Variants in TPD52L3 observed in about 807,000 individuals in gnomAD.
The protein encoded by TPD52L3 is TPD52 like 3, also known as tumor protein D55.
A neutral mutation model predicts 8.7 loss-of-function variants in TPD52L3; 12 were observed. The ratio of observed to expected loss-of-function variants is 1.38; its 90% CI spans 0.89 to 2.24. TPD52L3 has a LOEUF of 2.24. TPD52L3 is among the 30% of genes most tolerant of loss of function. The probability of loss-of-function intolerance (pLI) is 0.00; values close to 1 mark genes in which losing one functional copy is unlikely to be tolerated. For missense variants in TPD52L3, 207 were observed against 158.7 expected (o/e 1.30, Z -1.64); for synonymous variants, 79 against 66.8 (o/e 1.18, Z -0.89).
At chr9:6,330,199 G>T in intron 1 of TPD52L3, 1 of 1,614,080 alleles carries the variant, frequency 6.2e-7, no homozygotes, top group Non-Finnish European at 8.5e-7. Flanking sequence ...TAAAGGAGAA[G>T]GAAGCAGAAT....
Position 6,328,870 on chromosome 9 carries a change from A to G in TPD52L3, c.275A>G (p.Gln92Arg). 1 of 1,614,214 alleles carries G rather than the reference A, an allele frequency of 6.2e-7. No homozygotes were observed. The highest frequency in any genetic ancestry group is 8.5e-7 in the Non-Finnish European group (1 of 1,180,030). ...CAGGTCTCCAACACCTATGTGAAACAGAAGACATCAGCTGCTCTGTCCACC... is the reference window on the plus strand; with the variant it reads ...CAGGTCTCCAACACCTATGTGAAACGGAAGACATCAGCTGCTCTGTCCACC... ...DVQVSNTYVK[Q>R]KTSAALSTMG... The change falls in exon 1 of 2, where the codon CAG (glutamine) becomes CGG (arginine). Residue 92 changes from glutamine to arginine, a missense_variant. By Grantham distance (43) the Gln-to-Arg change is conservative. Coordinates refer to ENST00000314556, the MANE Select transcript of TPD52L3 (RefSeq NM_001001874.3).
At chr9:6,329,732 A>G in intron 1 of TPD52L3, 1 of 1,004,660 alleles carries the variant, frequency 1.0e-6, no homozygotes. Flanking sequence ...GTGGTAGTGC[A>G]CTAATTGTTA....
chr9:6,331,120 A>C lies in TPD52L3; in HGVS notation c.*101A>C. On this transcript the variant is annotated 3_prime_UTR_variant, in exon 2 of 2. Coordinates refer to ENST00000314556, the MANE Select transcript of TPD52L3 (RefSeq NM_001001874.3). ...GCTTTTAAACAAAAATATCGTGTTT[A>C]TTCAAAGCCAATCTGAGACCCTACT... The C allele has an allele frequency of 7.7e-7, 1 of 1,304,432 alleles. No individual in the cohort carries two copies. The highest frequency in any genetic ancestry group is 1.1e-6 in the Non-Finnish European group (1 of 921,790). The allele number at this position is 1,304,432 out of a possible 1,614,324, so 80.8% of individuals were successfully genotyped here.
rs1382437183 is a variant in TPD52L3 at position 6,331,843 on chromosome 9, G to A, written c.*824G>A. 6.6e-6 allele frequency: 1 copy of A among 152,116 alleles called. No homozygotes were observed. The highest frequency in any genetic ancestry group is 1.5e-5 in the Non-Finnish European group (1 of 68,014). The allele number at this position is 152,116 out of a possible 1,614,324, so 9.4% of individuals were successfully genotyped here. A position where few individuals can be genotyped will look rare whatever the true frequency, so the allele number is the denominator to read the frequency against. The stretch of plus-strand genomic sequence containing the variant: ...ACATTCATTTTGCTTTGGCTTTTTT[G>A]TATCAGTGGTCATGGGCACCAAATA... On this transcript the variant is annotated 3_prime_UTR_variant, in exon 2 of 2. Transcript: ENST00000314556.
At chr9:6,329,241 C>A in intron 1 of TPD52L3, 1 of 1,351,242 alleles carries the variant, frequency 7.4e-7, no homozygotes, top group Non-Finnish European at 9.6e-7. Flanking sequence ...CAACTCTGCC[C>A]AACAAAAACA....
intron 1 of TPD52L3, chr9:6,329,516 A>C (rs1382860522): frequency 9.9e-7 from 1 of 1,010,824 alleles, no homozygotes; most frequent in Non-Finnish European, 1.2e-6. Context: ...AGAAAGCCAA[A>C]GTAGAGTTCT....
rs552989612 is a variant in TPD52L3 at position 6,329,192 on chromosome 9, C to T, written c.367+230C>T. The T allele has an allele frequency of 3.1e-5, 45 of 1,442,690 alleles. No homozygotes were observed. In the African/African-American group the frequency reaches 5.3e-4, roughly 17 times the overall value. The allele number at this position is 1,442,690 out of a possible 1,614,324, so 89.4% of individuals were successfully genotyped here. Reference sequence around the variant, plus strand: ...GCCCCCTTGGTAACCTTGCCTGGTACTAAACCAGTGCAAGGACCCCCTTCC... The same window carrying T: ...GCCCCCTTGGTAACCTTGCCTGGTATTAAACCAGTGCAAGGACCCCCTTCC... On this transcript the variant is annotated intron_variant, in intron 1 of 1. Transcript: ENST00000314556.
At chr9:6,329,757 C>T (rs183444195) in intron 1 of TPD52L3, 918 of 1,010,794 alleles carry the variant, frequency 9.1e-4, no homozygotes, top group South Asian at 4.4e-3. Flanking sequence ...ACTAATATAG[C>T]TTTTGTAAAA....
chr9:6,329,078 A>ACCC, intron 1 of TPD52L3, 116 bp downstream of exon 1: 1 of 1,564,774 alleles, frequency 6.4e-7, no homozygotes, highest in Non-Finnish European at 8.6e-7. Context: ...TGTGGGGAAG[A>ACCC]CCCACTCCAG....
At chr9:6,330,846 G>A (rs1818138004) in intron 1 of TPD52L3, 130 bp from the exon 2 acceptor site, 3 of 1,461,320 alleles carry the variant, frequency 2.1e-6, no homozygotes, top group South Asian at 1.5e-5. Flanking sequence ...GGCCAAACCT[G>A]AGAGATGTTA....
chr9:6,329,017 G>C (rs751767981), intron 1 of TPD52L3, 55 bp downstream of exon 1: 1 of 1,613,320 alleles, frequency 6.2e-7, no homozygotes, highest in Non-Finnish European at 8.5e-7. Context: ...GCTTGGCCCT[G>C]ACTGTCTTTC....
Position 6,330,215 on chromosome 9 carries a change from C to T in TPD52L3, c.368-761C>T, listed in dbSNP as rs775461191. 5.0e-6 allele frequency: 8 copies of T among 1,613,882 alleles called. No individual in the cohort carries two copies. In the Admixed American group the frequency reaches 1.3e-4, roughly 27 times the overall value. On this transcript the variant is annotated intron_variant, in intron 1 of 1. Coordinates refer to ENST00000314556, the MANE Select transcript of TPD52L3 (RefSeq NM_001001874.3). ...AAAGGAGAAGGAAGCAGAATATAACCCTCTGGAGAGCTCAAGACAGTAGGA... is the reference window on the plus strand; with the variant it reads ...AAAGGAGAAGGAAGCAGAATATAACTCTCTGGAGAGCTCAAGACAGTAGGA...
At chr9:6,329,571 GGTTT>G (rs997817061) in intron 1 of TPD52L3, 16 of 1,001,724 alleles carry the variant, frequency 1.6e-5, no homozygotes, top group East Asian at 2.3e-4. Flanking sequence ...GTGTTTTTTT[GGTTT>G]GTTTGTTTGT....
Position 6,331,890 on chromosome 9 carries a change from G to C in TPD52L3, c.*871G>C, listed in dbSNP as rs978755985. 6.6e-6 allele frequency: 1 copy of C among 152,136 alleles called. No homozygotes were observed. Among genetic ancestry groups the C allele is most frequent in the African/African-American group, 2.4e-5 (1 of 41,412 alleles). 9.4% of individuals were successfully genotyped at this position (152,136 alleles called of 1,614,324 possible). On this transcript the variant is annotated 3_prime_UTR_variant, in exon 2 of 2. Transcript: ENST00000314556. ...AATAAAATGCTTCCATGAACATTTG[G>C]ATTCTGGCTCTAAAGTTTCCTCGAG...
At chr9:6,330,859 T>C in intron 1 of TPD52L3, 117 bp from the exon 2 acceptor site, 1 of 1,491,258 alleles carries the variant, frequency 6.7e-7, no homozygotes. Context: ...AGATGTTATA[T>C]TTTATTTAAT....
In TPD52L3 at chr9:6,331,495, T is replaced by A. The variant is rs1014985627; in HGVS notation, c.*476T>A. On this transcript the variant is annotated 3_prime_UTR_variant, in exon 2 of 2. Coordinates refer to ENST00000314556, the MANE Select transcript of TPD52L3 (RefSeq NM_001001874.3). ...GAGAGGAAGGGGAAATGGTGTTACATGAGTGAGGGAGGGGAAATGGTGTTA... is the reference window on the plus strand; with the variant it reads ...GAGAGGAAGGGGAAATGGTGTTACAAGAGTGAGGGAGGGGAAATGGTGTTA... 1 of 152,566 alleles carries A rather than the reference T, an allele frequency of 6.6e-6. No individual in the cohort carries two copies. Among genetic ancestry groups the A allele is most frequent in the African/African-American group, 2.4e-5 (1 of 41,386 alleles). 9.5% of individuals were successfully genotyped at this position (152,566 alleles called of 1,614,324 possible).
chr9:6,331,186 A>C lies in TPD52L3; in HGVS notation c.*167A>C. 1.6e-6 allele frequency: 1 copy of C among 641,968 alleles called. No individual in the cohort carries two copies. Among genetic ancestry groups the C allele is most frequent in the East Asian group, 2.8e-5 (1 of 35,172 alleles). 39.8% of individuals were successfully genotyped at this position (641,968 alleles called of 1,614,324 possible). ...TCCCAGGTTCTGAAAGCATAGAATT[A>C]GACATCGTATGTGCCCTCTAGAAAC... On this transcript the variant is annotated 3_prime_UTR_variant, in exon 2 of 2. Coordinates refer to ENST00000314556, the MANE Select transcript of TPD52L3 (RefSeq NM_001001874.3).
chr9:6,328,428 A>C lies in TPD52L3; in HGVS notation c.-168A>C. ...AGGTGTCCATTGTACCAGCTGGGCC[A>C]TGGATCCCTCCCGCCTGAAATCTGA... On this transcript the variant is annotated 5_prime_UTR_variant, in exon 1 of 2. The change abolishes an upstream ATG in the 5' untranslated region. Coordinates refer to ENST00000314556, the MANE Select transcript of TPD52L3 (RefSeq NM_001001874.3). The C allele has an allele frequency of 1.4e-6, 1 of 728,464 alleles. No individual in the cohort carries two copies. The highest frequency in any genetic ancestry group is 2.2e-6 in the Non-Finnish European group (1 of 457,222). The allele number at this position is 728,464 out of a possible 1,614,324, so 45.1% of individuals were successfully genotyped here.
chr9:6,329,868 G>T, intron 1 of TPD52L3: 1 of 1,188,484 alleles, frequency 8.4e-7, no homozygotes, highest in Non-Finnish European at 1.1e-6. Context: ...TTTGCCTTGT[G>T]CTTTGTTTAT....
Sources: allele counts gnomAD v4.1 joint callset, GRCh38; gene constraint gnomAD v4.1.1; transcripts MANE v1.5; gene names NCBI Gene and HGNC (gene_info 2026-07-23, HGNC 2026-07-21).